CAMTA1: variants seen among roughly 807,000 people sequenced by gnomAD.
CAMTA1 encodes calmodulin-binding transcription activator 1.
CAMTA1 carries 27 observed loss-of-function variants against 170.9 expected under a neutral mutation model. The ratio of observed to expected loss-of-function variants is 0.16; its 90% CI spans 0.12 to 0.22. The LOEUF is 0.22. Ranked by LOEUF, CAMTA1 falls within the 10% of genes least tolerant of loss-of-function variation. The pLI, the probability that CAMTA1 is intolerant of heterozygous loss-of-function variation, is 1.00. For synonymous variants in CAMTA1, 833 were observed against 891.5 expected (o/e 0.93, Z 1.17); for missense variants, 1,619 against 2,217.2 (o/e 0.73, Z 5.42).
intron 5 of CAMTA1, among the ~76,000 whole-genome samples, chr1:7,250,733 G>GT (rs567907979): frequency 8.6e-5 from 13 of 152,044 alleles, no homozygotes; most frequent in South Asian, 2.1e-4. Context: ...TTTGTTTTAT[G>GT]TTTTTTTTAA....
At chr1:7,238,432 A>G (rs1054892155) in intron 4 of CAMTA1, among the ~76,000 whole-genome samples, 5 of 152,260 alleles carry the variant, frequency 3.3e-5, no homozygotes, top group Non-Finnish European at 5.9e-5. Flanking sequence ...GGTAGTTCTG[A>G]GCATTAAGCA....
At chr1:7,254,654 G>T (rs528859852) in intron 5 of CAMTA1, among the ~76,000 whole-genome samples, 6 of 148,542 alleles carry the variant, frequency 4.0e-5, no homozygotes, top group African/African-American at 5.2e-5. Context: ...TGGGCACTTA[G>T]GCCACATATA....
At position 7,541,324 on chromosome 1, in the gene CAMTA1, A is replaced by G. The variant is rs569544324; in HGVS notation, c.510+73423A>G. 9.8e-5 allele frequency among the ~76,000 whole-genome samples: 15 copies of G among 152,340 alleles called. No individual in the cohort carries two copies. In the East Asian group the frequency reaches 2.3e-3, roughly 24 times the overall value. On this transcript the variant is annotated intron_variant, in intron 6 of 22. Coordinates refer to ENST00000303635, the MANE Select transcript of CAMTA1 (RefSeq NM_015215.4). ...TGATACCTCTAGACAGATCTCGTCC[A>G]TGCTGCCTTGGCTTTGAGGAAAGAA...
At chr1:7,515,067 T>C (rs2094262607) in intron 6 of CAMTA1, among the ~76,000 whole-genome samples, 1 of 151,444 alleles carries the variant, frequency 6.6e-6, no homozygotes, top group Non-Finnish European at 1.5e-5. Context: ...CCTGGGATCA[T>C]CAGGCTGGTC....
rs1017265744 is a variant in CAMTA1 at position 7,093,408 on chromosome 1, A to G, written c.302+2037A>G. Among the ~76,000 whole-genome samples, 3 of 152,012 alleles carry G rather than the reference A, an allele frequency of 2.0e-5. No individual in the cohort carries two copies. The highest frequency in any genetic ancestry group is 4.4e-5 in the Non-Finnish European group (3 of 67,988). On this transcript the variant is annotated intron_variant, in intron 4 of 22. Transcript: ENST00000303635. This position sits in a 1 kb window ranked among gnomAD's most constrained non-coding sequence, Gnocchi z 4.6. ...ACTTCCAAGGGTGGCCCTTATCTCA[A>G]GCAGCCGCCAGCCTCTCCTTGCGCC... is the stretch of plus-strand genomic sequence containing the variant.
chr1:6,983,909 T>C (rs1392001146), intron 3 of CAMTA1, among the ~76,000 whole-genome samples: 1 of 87,694 alleles, frequency 1.1e-5, no homozygotes, highest in Non-Finnish European at 2.1e-5. Flanking sequence ...GATTGATGAT[T>C]GGGTGGGTGG....
chr1:6,887,599 T>G lies in CAMTA1; in HGVS notation c.234+62389T>G, dbSNP rs1417123665. 2 of 1,525,594 alleles carry G rather than the reference T, an allele frequency of 1.3e-6. No individual in the cohort carries two copies. The highest frequency in any genetic ancestry group is 1.8e-6 in the Non-Finnish European group (2 of 1,142,108). 94.5% of individuals were successfully genotyped at this position (1,525,594 alleles called of 1,614,324 possible). A position where few individuals can be genotyped will look rare whatever the true frequency, so the allele number is the denominator to read the frequency against. On this transcript the variant is annotated intron_variant, in intron 3 of 22. Coordinates refer to ENST00000303635, the MANE Select transcript of CAMTA1 (RefSeq NM_015215.4). The surrounding 1 kb of genome is among the most constrained non-coding windows in gnomAD (Gnocchi z 4.1). ...GAAATGGGGCAAATTTTTCTTCAGT[T>G]AAAAACAGAAATAGAAGCGACGGTT...
At chr1:6,916,932 G>A (rs557647553) in intron 3 of CAMTA1, among the ~76,000 whole-genome samples, 2 of 152,338 alleles carry the variant, frequency 1.3e-5, no homozygotes, top group African/African-American at 4.8e-5. Context: ...TGAGGTACAT[G>A]AGGGGACAAT....
chr1:6,785,859 C>T (rs1281729185), intron 1 of CAMTA1, among the ~76,000 whole-genome samples: 4 of 146,182 alleles, frequency 2.7e-5, no homozygotes, highest in African/African-American at 5.0e-5. Flanking sequence ...GGGACCGGGC[C>T]CAGCGAGGAG....
chr1:7,638,590 C>T (rs1219878730), intron 6 of CAMTA1, among the ~76,000 whole-genome samples: 1 of 151,546 alleles, frequency 6.6e-6, no homozygotes, highest in African/African-American at 2.4e-5. Flanking sequence ...TGCAGTGAGC[C>T]GATATTAGGC....
At chr1:7,069,508 G>A (rs1222514206) in intron 3 of CAMTA1, among the ~76,000 whole-genome samples, 1 of 152,190 alleles carries the variant, frequency 6.6e-6, no homozygotes, top group East Asian at 1.9e-4. Context: ...ATAAACACAC[G>A]AATTGAGCCA....
chr1:7,751,231 C>T lies in CAMTA1; in HGVS notation c.4722C>T (p.Ala1574=). The stretch of plus-strand genomic sequence containing the variant: ...TTTATAAAAAGATGACACAGGCTGC[C>T]ATCCTTATCCAGAGCAAATTCCGAA... ...YALYKKMTQA[A]ILIQSKFRSY... Residue 1574 remains alanine (A), a synonymous_variant, in exon 20 of 23, where the codon GCC becomes GCT. Transcript: ENST00000303635. The T allele has an allele frequency of 3.1e-6, 5 of 1,600,544 alleles. No homozygotes were observed. The highest frequency in any genetic ancestry group is 4.3e-6 in the Non-Finnish European group (5 of 1,176,078).
intron 3 of CAMTA1, among the ~76,000 whole-genome samples, chr1:6,863,132 C>T (rs911070258): frequency 6.6e-6 from 1 of 152,132 alleles, no homozygotes; most frequent in South Asian, 2.1e-4. Context: ...CCTCACTATA[C>T]GGTGTTTTAC....
chr1:7,142,737 C>G (rs145701441), intron 4 of CAMTA1, among the ~76,000 whole-genome samples: 104 of 152,316 alleles, frequency 6.8e-4, no homozygotes, highest in African/African-American at 2.3e-3. Flanking sequence ...ATGGGAGCAG[C>G]CTGAGGCCCT....
intron 4 of CAMTA1, among the ~76,000 whole-genome samples, chr1:7,107,977 C>A (rs1373311899): frequency 6.6e-6 from 1 of 152,180 alleles, no homozygotes; most frequent in Non-Finnish European, 1.5e-5. Context: ...ACCAGAGACA[C>A]AACCACCCCC....
At chr1:6,944,383 G>C (rs1044647014) in intron 3 of CAMTA1, among the ~76,000 whole-genome samples, 1 of 152,138 alleles carries the variant, frequency 6.6e-6, no homozygotes, top group Non-Finnish European at 1.5e-5. Context: ...TTCAACCCGG[G>C]CCTTCCTGTT....
intron 16 of CAMTA1, among the ~76,000 whole-genome samples, chr1:7,742,166 T>C (rs996043200): frequency 2.6e-5 from 4 of 151,848 alleles, no homozygotes; most frequent in African/African-American, 4.8e-5. Flanking sequence ...CTAGAAGATA[T>C]GACAGTTATA....
intron 3 of CAMTA1, among the ~76,000 whole-genome samples, chr1:7,004,972 A>G (rs1256224281): frequency 2.6e-5 from 4 of 152,224 alleles, no homozygotes; most frequent in Admixed American, 6.5e-5. Flanking sequence ...GGGTTTCACT[A>G]TGTTGGCCAG....
intron 5 of CAMTA1, among the ~76,000 whole-genome samples, chr1:7,458,934 G>C (rs1336397685): frequency 6.6e-6 from 1 of 152,198 alleles, no homozygotes; most frequent in African/African-American, 2.4e-5. Context: ...TATTTAACAA[G>C]TTCTGAGGCG....
Sources: allele counts gnomAD v4.1 joint callset (sites outside exome capture counted in the v4.1 genomes callset), GRCh38; gene constraint gnomAD v4.1.1; non-coding constraint Gnocchi (gnomAD v3.1); transcripts MANE v1.5; gene names NCBI Gene and HGNC (gene_info 2026-07-23, HGNC 2026-07-21).